NKAIN3: variants seen among roughly 807,000 people sequenced by gnomAD.
The protein encoded by NKAIN3 is sodium/potassium transporting ATPase interacting 3.
NKAIN3 carries 25 observed loss-of-function variants against 30.2 expected under a neutral mutation model. That is an observed-to-expected ratio of 0.83 (90% CI 0.60 to 1.16). NKAIN3 has a LOEUF of 1.16. NKAIN3 is among the 50% of genes most tolerant of loss of function. NKAIN3 has a pLI of 0.00. For synonymous variants in NKAIN3, 91 were observed against 89.6 expected (o/e 1.02, Z -0.09); for missense variants, 225 against 254.1 (o/e 0.89, Z 0.78).
At chr8:62,797,446 G>A (rs1393279454) in intron 4 of NKAIN3, among the ~76,000 whole-genome samples, 1 of 152,148 alleles carries the variant, frequency 6.6e-6, no homozygotes, top group Admixed American at 6.5e-5. Context: ...GGGAAAAAAT[G>A]ACTCATCCTT....
chr8:62,301,719 G>A (rs1325128694), intron 1 of NKAIN3, among the ~76,000 whole-genome samples: 4 of 151,980 alleles, frequency 2.6e-5, no homozygotes, highest in African/African-American at 9.7e-5. Flanking sequence ...TACACAAATA[G>A]GTTTCTGAAA....
chr8:62,690,754 G>A (rs969507069), intron 3 of NKAIN3, among the ~76,000 whole-genome samples: 1 of 152,182 alleles, frequency 6.6e-6, no homozygotes, highest in Non-Finnish European at 1.5e-5. Context: ...CACTGATGAG[G>A]CACCAGCTTG....
At chr8:62,448,665 A>T (rs1056840301) in intron 1 of NKAIN3, among the ~76,000 whole-genome samples, 4 of 151,908 alleles carry the variant, frequency 2.6e-5, no homozygotes, top group Non-Finnish European at 4.4e-5. Flanking sequence ...AAACTGACAG[A>T]AAGACAGCAG....
At chr8:62,950,335 CTG>C (rs1444575958) in intron 5 of NKAIN3, among the ~76,000 whole-genome samples, 2 of 152,168 alleles carry the variant, frequency 1.3e-5, no homozygotes, top group South Asian at 4.1e-4. Flanking sequence ...GCATGACAAA[CTG>C]TTTTTTAATA....
intron 4 of NKAIN3, among the ~76,000 whole-genome samples, chr8:62,866,908 G>A (rs9693930): frequency 0.69 from 99,983 of 144,240 alleles, 35,618 homozygotes; most frequent in African/African-American, 0.8. Context: ...AAAAAAAATT[G>A]GCCGGGCTTG....
Position 62,482,036 on chromosome 8 carries a change from C to A in NKAIN3, c.55-97503C>A, listed in dbSNP as rs117560274. 4.9e-4 allele frequency among the ~76,000 whole-genome samples: 74 copies of A among 152,280 alleles called. 1 individual carries two copies. The highest frequency in any genetic ancestry group is 1.5e-3 in the South Asian group (7 of 4,818). On this transcript the variant is annotated intron_variant, in intron 1 of 6. Coordinates refer to ENST00000623646, the MANE Select transcript of NKAIN3 (RefSeq NM_001304533.3). The stretch of plus-strand genomic sequence containing the variant: ...GCTGTTTCTCTGCACTCAAACATAT[C>A]ATGGGCCCTGAGGCCTTGTCGAGAT...
At chr8:62,855,615 T>C in intron 4 of NKAIN3, 1 of 1,602,840 alleles carries the variant, frequency 6.2e-7, no homozygotes, top group East Asian at 2.2e-5. Flanking sequence ...GCTTGTTCAG[T>C]CTCCATCAAA....
intron 4 of NKAIN3, among the ~76,000 whole-genome samples, chr8:62,776,752 G>T (rs1003870514): frequency 1.3e-4 from 20 of 151,930 alleles, no homozygotes; most frequent in Admixed American, 5.2e-4. Flanking sequence ...CCATGATTAT[G>T]GTATTATAAT....
chr8:62,898,787 A>C (rs1821514388), intron 4 of NKAIN3, among the ~76,000 whole-genome samples: 1 of 151,960 alleles, frequency 6.6e-6, no homozygotes, highest in Admixed American at 6.6e-5. Context: ...AACAAGGTGA[A>C]GAGATGATGT....
intron 1 of NKAIN3, among the ~76,000 whole-genome samples, chr8:62,425,861 T>C (rs768350577): frequency 6.6e-6 from 1 of 151,960 alleles, no homozygotes; most frequent in Non-Finnish European, 1.5e-5. Context: ...GCACGTTCCA[T>C]GTCTGTCTTA....
intron 4 of NKAIN3, among the ~76,000 whole-genome samples, chr8:62,891,823 A>G (rs1258792889): frequency 6.6e-6 from 1 of 151,956 alleles, no homozygotes; most frequent in Non-Finnish European, 1.5e-5. Context: ...TCTTCATCAC[A>G]CTCTTCATCC....
At chr8:62,808,926 C>T (rs769559604) in intron 4 of NKAIN3, among the ~76,000 whole-genome samples, 11 of 152,086 alleles carry the variant, frequency 7.2e-5, no homozygotes, top group South Asian at 2.1e-4. Context: ...GGGAGCGCTA[C>T]GGGAGACCAG....
At chr8:62,652,114 T>C (rs1429723856) in intron 3 of NKAIN3, among the ~76,000 whole-genome samples, 1 of 151,978 alleles carries the variant, frequency 6.6e-6, no homozygotes, top group Non-Finnish European at 1.5e-5. Flanking sequence ...CCATAGGGGG[T>C]CCATCTCCCT....
At chr8:62,645,126 G>T (rs985468718) in intron 3 of NKAIN3, among the ~76,000 whole-genome samples, 1 of 152,074 alleles carries the variant, frequency 6.6e-6, no homozygotes. Context: ...AGCAGGGGAG[G>T]TGGAGCCAAA....
chr8:62,986,042 C>T (rs540357835), downstream of NKAIN3, among the ~76,000 whole-genome samples: 1 of 152,276 alleles, frequency 6.6e-6, no homozygotes, highest in African/African-American at 2.4e-5. Context: ...ACTGCCTTTT[C>T]CCTTGGATGA....
chr8:62,779,234 C>T (rs1377220071), intron 4 of NKAIN3, among the ~76,000 whole-genome samples: 6 of 152,120 alleles, frequency 3.9e-5, no homozygotes, highest in African/African-American at 7.2e-5. Context: ...CACTAGGTCA[C>T]ATGCTCCCCA....
At chr8:62,466,203 G>A (rs1350651852) in intron 1 of NKAIN3, among the ~76,000 whole-genome samples, 1 of 151,972 alleles carries the variant, frequency 6.6e-6, no homozygotes, top group Admixed American at 6.6e-5. Context: ...AAGGTTTTTG[G>A]ACAGAGGAAA....
At chr8:62,705,050 G>C (rs1005750973) in intron 3 of NKAIN3, among the ~76,000 whole-genome samples, 3 of 152,118 alleles carry the variant, frequency 2.0e-5, no homozygotes, top group Non-Finnish European at 2.9e-5. Context: ...CAATGATTTG[G>C]TTAAATGGAA....
intron 1 of NKAIN3, among the ~76,000 whole-genome samples, chr8:62,533,002 TAG>T (rs751791644): frequency 2.6e-5 from 4 of 152,226 alleles, no homozygotes; most frequent in Non-Finnish European, 2.9e-5. Context: ...TGTCACTCTT[TAG>T]ACACTTAGAT....
Sources: gnomAD v4.1 joint callset for allele counts (sites outside exome capture counted in the v4.1 genomes callset) on GRCh38, gnomAD v4.1.1 for gene constraint, MANE v1.5 for transcripts, NCBI Gene and HGNC (gene_info 2026-07-23, HGNC 2026-07-21) for gene names.